IL18RAP: variants seen among roughly 807,000 people sequenced by gnomAD.
The protein encoded by IL18RAP is interleukin 18 receptor accessory protein.
A neutral mutation model predicts 58.1 loss-of-function variants in IL18RAP; 37 were observed. That is an observed-to-expected ratio of 0.64 (90% CI 0.49 to 0.84). The LOEUF (loss-of-function observed/expected upper bound fraction) is 0.84. IL18RAP is among the 40% of genes least tolerant of loss of function. IL18RAP has a pLI of 0.00. For synonymous variants in IL18RAP, 268 were observed against 257.5 expected, an observed-to-expected ratio of 1.04 and a Z score of -0.39; for missense variants, 667 against 704.8, an observed-to-expected ratio of 0.95 and a Z score of 0.61.
intron 5 of IL18RAP, among the ~76,000 whole-genome samples, chr2:102,442,852 A>G (rs1464369783): frequency 6.6e-6 from 1 of 152,226 alleles, no homozygotes; most frequent in Non-Finnish European, 1.5e-5. Context: ...CTTCAACAGT[A>G]GTGCAGAAGA....
At chr2:102,424,174 A>G in intron 2 of IL18RAP, 39 bp downstream of exon 2, 1 of 1,606,714 alleles carries the variant, frequency 6.2e-7, no homozygotes, top group South Asian at 1.1e-5. Flanking sequence ...AACATTTCCA[A>G]ATCCTCTATT....
Position 102,450,888 on chromosome 2 carries a change from G to C in IL18RAP, c.1251G>C (p.Trp417Cys). 6.2e-7 allele frequency: 1 copy of C among 1,608,742 alleles called. No individual in the cohort carries two copies. ...ATGCTTTCGTATCCTATGCAAAATG[G>C]AGCTCTTTTCCAAGTGAGGCCACTT... ...DFDAFVSYAK[W>C]SSFPSEATSS... is the part of the protein sequence containing the mutation. The change falls in exon 9 of 10, where the codon TGG becomes TGC. Residue 417 changes from tryptophan (W) to cysteine (C), a missense_variant. By Grantham distance (215) the Trp-to-Cys change is radical. Coordinates refer to ENST00000687160, the MANE Select transcript of IL18RAP (RefSeq NM_001393487.1).
chr2:102,431,909 A>G (rs570833284), intron 3 of IL18RAP, among the ~76,000 whole-genome samples: 1 of 151,982 alleles, frequency 6.6e-6, no homozygotes, highest in Non-Finnish European at 1.5e-5. Flanking sequence ...AAGTTTTGTC[A>G]GTTATTTCTT....
At chr2:102,435,224 G>C (rs1682656760) in intron 3 of IL18RAP, 2 of 152,302 alleles carry the variant, frequency 1.3e-5, no homozygotes, top group Admixed American at 6.5e-5. Context: ...AAGGTTGTGT[G>C]GTTCTCATGA....
intron 3 of IL18RAP, among the ~76,000 whole-genome samples, chr2:102,436,819 G>GTGTGTATA (rs1553404995): frequency 1.3e-4 from 19 of 149,890 alleles, no homozygotes; most frequent in African/African-American, 4.7e-4. Context: ...GTGTGTGTGT[G>GTGTGTATA]TATATATATA....
chr2:102,434,995 A>G (rs1351280627), intron 3 of IL18RAP: 2 of 140,190 alleles, frequency 1.4e-5, no homozygotes, highest in African/African-American at 2.6e-5. Context: ...CTCCATTCCC[A>G]TTAAAAGATA....
At position 102,423,209 on chromosome 2, in the gene IL18RAP, A is replaced by T. The variant is rs1323029157; in HGVS notation, c.-69A>T. ...AGGGGATACTCAGGGCAGAGTTCTG[A>T]ATCTCAAAACACTCTACTCTGGCAA... On this transcript the variant is annotated 5_prime_UTR_variant, in exon 1 of 10. The change abolishes the stop of an existing upstream ORF in the 5' untranslated region. Transcript: ENST00000687160. 1.4e-6 allele frequency: 2 copies of T among 1,427,726 alleles called. No homozygotes were observed. Among genetic ancestry groups the T allele is most frequent in the Non-Finnish European group, 2.0e-6 (2 of 1,010,898 alleles). 88.4% of individuals were successfully genotyped at this position (1,427,726 alleles called of 1,614,324 possible).
chr2:102,425,001 A>G (rs1681845248), intron 3 of IL18RAP, among the ~76,000 whole-genome samples: 1 of 152,188 alleles, frequency 6.6e-6, no homozygotes, highest in Non-Finnish European at 1.5e-5. Flanking sequence ...GTGAACTCCC[A>G]TAACAAAAGC....
Position 102,447,128 on chromosome 2 carries a change from G to C in IL18RAP, c.1131G>C (p.Ala377=), listed in dbSNP as rs1205615111. Residue 377 remains alanine (A), a synonymous_variant, in exon 8 of 10, where the codon GCG becomes GCC. Coordinates refer to ENST00000687160, the MANE Select transcript of IL18RAP (RefSeq NM_001393487.1). ...TIGTLVAVLA[A]SALLYRHWIE... ...GGACCCTGGTGGCCGTGCTGGCGGC[G>C]AGTGCCCTCCTCTACAGGCACTGGA... 6.2e-7 allele frequency: 1 copy of C among 1,614,102 alleles called. No individual in the cohort carries two copies. The highest frequency in any genetic ancestry group is 8.5e-7 in the Non-Finnish European group (1 of 1,180,008).
At chr2:102,424,863 C>T (rs942609927) in intron 3 of IL18RAP, among the ~76,000 whole-genome samples, 149 of 152,236 alleles carry the variant, frequency 9.8e-4, no homozygotes, top group African/African-American at 3.3e-3. Flanking sequence ...ACAGTTAGGA[C>T]GAATCCAAGG....
upstream of IL18RAP, among the ~76,000 whole-genome samples, chr2:102,419,143 AT>A (rs144595089): frequency 6.6e-6 from 1 of 152,330 alleles, no homozygotes; most frequent in African/African-American, 2.4e-5. Flanking sequence ...ACTGATGGTT[AT>A]AAAATAAACC....
At chr2:102,429,259 G>A (rs1177290570) in intron 3 of IL18RAP, among the ~76,000 whole-genome samples, 2 of 151,796 alleles carry the variant, frequency 1.3e-5, no homozygotes, top group East Asian at 1.9e-4. Context: ...TTCATTATTG[G>A]TCTGTTTAGA....
upstream of IL18RAP, among the ~76,000 whole-genome samples, chr2:102,422,735 T>C (rs1233951477): frequency 6.6e-6 from 1 of 152,200 alleles, no homozygotes; most frequent in Non-Finnish European, 1.5e-5. Flanking sequence ...GTGGCCTCTA[T>C]TCTCTAATAG....
At chr2:102,436,196 C>T (rs1027135812) in intron 3 of IL18RAP, among the ~76,000 whole-genome samples, 8 of 152,156 alleles carry the variant, frequency 5.3e-5, no homozygotes, top group African/African-American at 1.7e-4. Context: ...CCATCCTCCC[C>T]CTTGGCTTAG....
rs766278345 is a variant in IL18RAP at position 102,423,851 on chromosome 2, G to C, written c.111G>C (p.Arg37Ser). ...TKKLLWTYSTRSEEEFVLFCD... is the reference protein window; with the variant it reads ...TKKLLWTYSTSSEEEFVLFCD... The stretch of plus-strand genomic sequence containing the variant: ...AACTCCTTTGGACATATTCTACAAG[G>C]AGTGAAGAGGAATTTGTCTTATTTT... The change falls in exon 2 of 10, where the codon AGG (arginine) becomes AGC (serine). Residue 37 changes from arginine (R) to serine (S), a missense_variant. By Grantham distance (110) the Arg-to-Ser change is moderately radical (BLOSUM62 -1). Coordinates refer to ENST00000687160, the MANE Select transcript of IL18RAP (RefSeq NM_001393487.1). The C allele has an allele frequency of 6.2e-7, 1 of 1,613,964 alleles. No homozygotes were observed. The highest frequency in any genetic ancestry group is 8.5e-7 in the Non-Finnish European group (1 of 1,179,956).
At chr2:102,430,322 C>T (rs1477295210) in intron 3 of IL18RAP, among the ~76,000 whole-genome samples, 1 of 151,908 alleles carries the variant, frequency 6.6e-6, no homozygotes, top group Non-Finnish European at 1.5e-5. Flanking sequence ...TTTCTTGTTT[C>T]TTTTTATAGT....
chr2:102,428,392 T>A (rs555080267), intron 3 of IL18RAP, among the ~76,000 whole-genome samples: 2 of 149,184 alleles, frequency 1.3e-5, no homozygotes, highest in Admixed American at 6.7e-5. Flanking sequence ...TTTTTTTTTT[T>A]ATAATTTTCA....
rs1260716894 is a variant in IL18RAP at position 102,437,346 on chromosome 2, T to C, written c.714T>C (p.Val238=). Residue 238 remains valine, a synonymous_variant, in exon 4 of 10, where the codon GTT becomes GTC. Transcript: ENST00000687160. The part of the protein sequence containing the change: ...TVSSWTVRAV[V]QVRTIVGDTK... ...GTTCGTGGACAGTCAGAGCTGTTGT[T>C]CAAGTGAGAACCATTGGTAAGTGAG... The C allele has an allele frequency of 6.2e-7, 1 of 1,613,114 alleles. No individual in the cohort carries two copies. The highest frequency in any genetic ancestry group is 1.1e-5 in the South Asian group (1 of 90,762).
At chr2:102,430,404 T>G (rs1007139983) in intron 3 of IL18RAP, among the ~76,000 whole-genome samples, 1 of 152,034 alleles carries the variant, frequency 6.6e-6, no homozygotes, top group Non-Finnish European at 1.5e-5. Flanking sequence ...TTGGTTTGTA[T>G]GGAATATCTT....
Sources: allele counts gnomAD v4.1 joint callset (sites outside exome capture counted in the v4.1 genomes callset), GRCh38; gene constraint gnomAD v4.1.1; transcripts MANE v1.5; gene names NCBI Gene and HGNC (gene_info 2026-07-23, HGNC 2026-07-21).